Variants in MAP3K20 observed in about 807,000 individuals in gnomAD.
MAP3K20 encodes mitogen-activated protein kinase kinase kinase 20.
Under a neutral mutation model 85.7 loss-of-function variants are expected in MAP3K20, and 40 were observed. The ratio of observed to expected loss-of-function variants is 0.47; its 90% CI spans 0.36 to 0.61. The LOEUF (loss-of-function observed/expected upper bound fraction) is 0.61, where lower values mean the gene tolerates loss of function less well. Among genes scored for constraint, MAP3K20 ranks in the 20% least tolerant of loss-of-function variants. The probability of loss-of-function intolerance (pLI) is 0.00; values close to 1 mark genes in which losing one functional copy is unlikely to be tolerated. For synonymous variants in MAP3K20, 325 were observed against 327.7 expected (o/e 0.99, Z 0.09); for missense variants, 817 against 961.7 (o/e 0.85, Z 1.99).
At chr2:173,199,312 C>A (rs1469148717) in intron 8 of MAP3K20, among the ~76,000 whole-genome samples, 2 of 152,148 alleles carry the variant, frequency 1.3e-5, no homozygotes, top group African/African-American at 4.8e-5. Context: ...TTGATGATAG[C>A]TGAAACTGAT....
chr2:173,132,217 A>T (rs1198073226), intron 2 of MAP3K20, among the ~76,000 whole-genome samples: 2 of 152,202 alleles, frequency 1.3e-5, no homozygotes, highest in Non-Finnish European at 2.9e-5. Flanking sequence ...AAAAGAAGAA[A>T]AAACAGATCA....
At chr2:173,182,760 A>G in intron 3 of MAP3K20, 94 bp from the exon 4 acceptor site, 1 of 904,168 alleles carries the variant, frequency 1.1e-6, no homozygotes, top group Non-Finnish European at 1.6e-6. Flanking sequence ...CTTTTGTTAA[A>G]TTCTTTAATG....
At chr2:173,141,908 G>A (rs1688986640) in intron 2 of MAP3K20, among the ~76,000 whole-genome samples, 1 of 152,198 alleles carries the variant, frequency 6.6e-6, no homozygotes, top group South Asian at 2.1e-4. Flanking sequence ...AAATGACAGT[G>A]GAATGACCTG....
At chr2:173,192,455 C>G (rs1690685953) in intron 7 of MAP3K20, among the ~76,000 whole-genome samples, 1 of 151,954 alleles carries the variant, frequency 6.6e-6, no homozygotes, top group African/African-American at 2.4e-5. Flanking sequence ...TGACCGAAGG[C>G]TAGAATTTTA....
intron 2 of MAP3K20, among the ~76,000 whole-genome samples, chr2:173,153,486 C>A (rs1358362785): frequency 6.6e-6 from 1 of 152,146 alleles, no homozygotes; most frequent in African/African-American, 2.4e-5. Flanking sequence ...CCCTGGTGTT[C>A]ATCTGTCACT....
chr2:173,134,571 A>G lies in MAP3K20; in HGVS notation c.160-35234A>G, dbSNP rs574833935. 3.4e-5 allele frequency among the ~76,000 whole-genome samples: 5 copies of G among 149,118 alleles called. No homozygotes were observed. In the South Asian group the frequency reaches 1.1e-3, roughly 32 times the overall value. The stretch of plus-strand genomic sequence containing the variant: ...AGGCGTGAGCCACTGCCCCCAGCCC[A>G]TTACTGCTGACTTAGTTGGTCTTAG... On this transcript the variant is annotated intron_variant, in intron 2 of 19. Transcript: ENST00000375213.
At chr2:173,219,815 A>C (rs546294765) in intron 11 of MAP3K20, among the ~76,000 whole-genome samples, 1 of 152,016 alleles carries the variant, frequency 6.6e-6, no homozygotes, top group Non-Finnish European at 1.5e-5. Context: ...ACACCTGTAA[A>C]CCCAGCACTT....
intron 2 of MAP3K20, among the ~76,000 whole-genome samples, chr2:173,122,977 G>A (rs778407899): frequency 6.6e-5 from 10 of 152,132 alleles, no homozygotes; most frequent in Non-Finnish European, 1.3e-4. Flanking sequence ...GAGATGCAGC[G>A]CTCCCCTCAC....
chr2:173,140,098 G>A (rs1270038698), intron 2 of MAP3K20, among the ~76,000 whole-genome samples: 1 of 151,594 alleles, frequency 6.6e-6, no homozygotes, highest in African/African-American at 2.4e-5. Flanking sequence ...TGCAACCTCC[G>A]CCTCCCGGGT....
intron 17 of MAP3K20, 29 bp downstream of exon 17, chr2:173,258,844 C>A: frequency 7.3e-7 from 1 of 1,373,834 alleles, no homozygotes; most frequent in South Asian, 1.2e-5. Context: ...CTTAAAAGCT[C>A]TTTTGAATTC....
At chr2:173,233,340 TACTC>T (rs1684565712) in intron 14 of MAP3K20, among the ~76,000 whole-genome samples, 1 of 152,388 alleles carries the variant, frequency 6.6e-6, no homozygotes, top group Non-Finnish European at 1.5e-5. Context: ...AATCCCCACT[TACTC>T]AGGAAGTTCT....
intron 2 of MAP3K20, among the ~76,000 whole-genome samples, chr2:173,150,001 T>A (rs577099717): frequency 2.0e-5 from 3 of 152,320 alleles, no homozygotes; most frequent in South Asian, 4.1e-4. Flanking sequence ...CCAAAGGCAG[T>A]AGTTTTGAAA....
chr2:173,116,854 C>G (rs1688137652), intron 2 of MAP3K20, among the ~76,000 whole-genome samples: 1 of 152,202 alleles, frequency 6.6e-6, no homozygotes, highest in Non-Finnish European at 1.5e-5. Context: ...CTATCTCACC[C>G]AGTCTCTGAA....
At chr2:173,222,414 G>C in intron 11 of MAP3K20, 2 of 985,838 alleles carry the variant, frequency 2.0e-6, no homozygotes, top group South Asian at 4.7e-5. Flanking sequence ...ACCAACAGCA[G>C]ATGTTGCAAA....
chr2:173,253,536 GT>G (rs1343095193), intron 16 of MAP3K20, among the ~76,000 whole-genome samples: 1 of 152,092 alleles, frequency 6.6e-6, no homozygotes, highest in African/African-American at 2.4e-5. Context: ...TTTCCATACT[GT>G]TTCCATTTTA....
At chr2:173,229,168 G>A (rs927796591) in intron 11 of MAP3K20, among the ~76,000 whole-genome samples, 1 of 152,172 alleles carries the variant, frequency 6.6e-6, no homozygotes, top group Non-Finnish European at 1.5e-5. Context: ...GGGTTTCTTA[G>A]GACCGTACCA....
chr2:173,218,687 C>T (rs1489322574), intron 11 of MAP3K20, among the ~76,000 whole-genome samples: 1 of 152,216 alleles, frequency 6.6e-6, no homozygotes, highest in African/African-American at 2.4e-5. Flanking sequence ...AGCTGTAAAG[C>T]ATTGCATGGC....
At chr2:173,153,011 AAAT>A (rs2106229584) in intron 2 of MAP3K20, among the ~76,000 whole-genome samples, 1 of 152,362 alleles carries the variant, frequency 6.6e-6, no homozygotes, top group South Asian at 2.1e-4. Flanking sequence ...GATTGAGACT[AAAT>A]AATTAAACCA....
chr2:173,217,587 C>T (rs1684116193), intron 11 of MAP3K20, among the ~76,000 whole-genome samples: 1 of 152,224 alleles, frequency 6.6e-6, no homozygotes, highest in African/African-American at 2.4e-5. Context: ...CACCTCGGTG[C>T]TGATTAACTC....
Sources: gnomAD v4.1 joint callset for allele counts (sites outside exome capture counted in the v4.1 genomes callset) on GRCh38, gnomAD v4.1.1 for gene constraint, MANE v1.5 for transcripts, NCBI Gene and HGNC (gene_info 2026-07-23, HGNC 2026-07-21) for gene names.